MAN1C1: variants seen among roughly 807,000 people sequenced by gnomAD.
MAN1C1 encodes the protein mannosidase alpha class 1C member 1.
In MAN1C1, 49 loss-of-function variants were observed where a neutral mutation model predicts 71.5. The observed-to-expected ratio is 0.69, with a 90% confidence interval of 0.54 to 0.87. MAN1C1 has a LOEUF of 0.87. Among genes scored for constraint, MAN1C1 ranks in the 40% least tolerant of loss-of-function variants. The pLI, the probability that MAN1C1 is intolerant of heterozygous loss-of-function variation, is 0.00. For synonymous variants in MAN1C1, 352 were observed against 343.7 expected, an observed-to-expected ratio of 1.02 and a Z score of -0.27; for missense variants, 743 against 835.0, an observed-to-expected ratio of 0.89 and a Z score of 1.36.
chr1:25,742,874 C>G (rs922266895), intron 2 of MAN1C1, among the ~76,000 whole-genome samples: 5 of 152,206 alleles, frequency 3.3e-5, no homozygotes, highest in African/African-American at 1.2e-4. Flanking sequence ...AGGAAAGGAT[C>G]AAGAGGGTCT....
chr1:25,636,884 G>A (rs2045469331), intron 1 of MAN1C1, among the ~76,000 whole-genome samples: 1 of 152,190 alleles, frequency 6.6e-6, no homozygotes. Flanking sequence ...GCCAGGCATG[G>A]TGGCTCATGC....
chr1:25,726,922 T>C (rs990729139), intron 2 of MAN1C1, among the ~76,000 whole-genome samples: 1 of 144,466 alleles, frequency 6.9e-6, no homozygotes, highest in Non-Finnish European at 1.5e-5. Context: ...CCAACTGCGG[T>C]GGCATGTGTC....
At position 25,618,340 on chromosome 1, in the gene MAN1C1, A is replaced by G. The variant is rs755039361; in HGVS notation, c.540+3A>G. The G allele has an allele frequency of 1.3e-6, 2 of 1,595,060 alleles. No homozygotes were observed. Among genetic ancestry groups the G allele is most frequent in the South Asian group, 2.3e-5 (2 of 87,478 alleles). On this transcript the variant is annotated splice_donor_region_variant and intron_variant, in intron 1 of 11. Transcript: ENST00000374332. ...CCCAGCGGGAGAAAATCAAGGAGGT[A>G]TGGACTCAGCCCCCAAACTCCTCCC...
chr1:25,757,101 C>G (rs2047296753), intron 5 of MAN1C1, among the ~76,000 whole-genome samples: 1 of 152,180 alleles, frequency 6.6e-6, no homozygotes, highest in Non-Finnish European at 1.5e-5. Flanking sequence ...GAAACCACAT[C>G]CAGCCCCAAG....
At chr1:25,619,194 T>C (rs993378260) in intron 1 of MAN1C1, among the ~76,000 whole-genome samples, 1 of 152,184 alleles carries the variant, frequency 6.6e-6, no homozygotes, top group South Asian at 2.1e-4. Flanking sequence ...TAGAACTGCC[T>C]GCGTGCGGAT....
chr1:25,708,736 T>C (rs1403310819), intron 2 of MAN1C1, among the ~76,000 whole-genome samples: 2 of 152,022 alleles, frequency 1.3e-5, no homozygotes, highest in African/African-American at 4.8e-5. Flanking sequence ...AATACAAAAA[T>C]TAGTTGGGCA....
At chr1:25,677,945 G>A (rs2046093134) in intron 1 of MAN1C1, among the ~76,000 whole-genome samples, 1 of 145,704 alleles carries the variant, frequency 6.9e-6, no homozygotes, top group African/African-American at 2.6e-5. Context: ...CTTAAGGGTA[G>A]CACCATACGA....
At chr1:25,659,909 T>C (rs1048154165) in intron 1 of MAN1C1, among the ~76,000 whole-genome samples, 1 of 152,242 alleles carries the variant, frequency 6.6e-6, no homozygotes, top group African/African-American at 2.4e-5. Context: ...GTTGTATCTA[T>C]GTATAATGAT....
chr1:25,722,727 G>T (rs529909130), intron 2 of MAN1C1, among the ~76,000 whole-genome samples: 1 of 152,154 alleles, frequency 6.6e-6, no homozygotes, highest in African/African-American at 2.4e-5. Context: ...TCCATCTCTC[G>T]TGTTAGGTTT....
intron 2 of MAN1C1, among the ~76,000 whole-genome samples, chr1:25,738,720 TGTCA>T (rs1043056152): frequency 3.0e-4 from 46 of 152,356 alleles, no homozygotes; most frequent in African/African-American, 1.1e-3. Context: ...CAGATGGGAC[TGTCA>T]GTCAGAAAAC....
At chr1:25,749,220 TC>T in intron 3 of MAN1C1, 34 bp from the exon 4 acceptor site, 1 of 1,578,956 alleles carries the variant, frequency 6.3e-7, no homozygotes. Flanking sequence ...CTTACAAGTG[TC>T]CCCACTGTCC....
chr1:25,635,136 A>T lies in MAN1C1; in HGVS notation c.540+16799A>T, dbSNP rs2045437669. On this transcript the variant is annotated intron_variant, in intron 1 of 11. Coordinates refer to ENST00000374332, the MANE Select transcript of MAN1C1 (RefSeq NM_020379.4). ...TGTCTCAGCCTCCAGAGTAACGAGGACTACAGATGTGTGCTACCATATACC... is the reference window on the plus strand; with the variant it reads ...TGTCTCAGCCTCCAGAGTAACGAGGTCTACAGATGTGTGCTACCATATACC... Among the ~76,000 whole-genome samples the T allele has an allele frequency of 2.6e-5, 4 of 152,118 alleles. No homozygotes were observed. The South Asian group carries it at 8.3e-4, about 32-fold the overall frequency.
In MAN1C1 at chr1:25,782,633, G is replaced by GACAC. The variant is rs764279728; in HGVS notation, c.1701_1702insACAC (p.Val568ThrfsTer5). The GACAC allele has an allele frequency of 6.2e-7, 1 of 1,614,114 alleles. No homozygotes were observed. Among genetic ancestry groups the GACAC allele is most frequent in the Non-Finnish European group, 8.5e-7 (1 of 1,180,016 alleles). ...AGAAGCCGGTTTCTCTGGGATCCAAGACGTGTACAGTAGCACCCCCAACCA... is the reference window on the plus strand; with the variant it reads ...AGAAGCCGGTTTCTCTGGGATCCAAGACACACGTGTACAGTAGCACCCCCAACCA... On this transcript the variant is annotated frameshift_variant, in exon 11 of 12. Coordinates refer to ENST00000374332, the MANE Select transcript of MAN1C1 (RefSeq NM_020379.4). LOFTEE classifies it high-confidence loss of function. The surrounding 1 kb of genome is among the most constrained non-coding windows in gnomAD (Gnocchi z 4.4).
intron 1 of MAN1C1, among the ~76,000 whole-genome samples, chr1:25,643,421 ATTTTTTTTT>A (rs11326338): frequency 2.6e-5 from 3 of 115,456 alleles, no homozygotes; most frequent in African/African-American, 3.7e-5. Flanking sequence ...CGCCTGGCTA[ATTTTTTTTT>A]TTTTTTTTTT....
In MAN1C1 at chr1:25,753,680, G is replaced by A. The variant is rs1394801865; in HGVS notation, c.929+102G>A. 3.1e-5 allele frequency: 30 copies of A among 956,528 alleles called. No individual in the cohort carries two copies. The highest frequency in any genetic ancestry group is 4.4e-5 in the Non-Finnish European group (28 of 636,984). The allele number at this position is 956,528 out of a possible 1,614,324, so 59.3% of individuals were successfully genotyped here. A position where few individuals can be genotyped will look rare whatever the true frequency, so the allele number is the denominator to read the frequency against. On this transcript the variant is annotated intron_variant, in intron 5 of 11. Transcript: ENST00000374332. The surrounding 1 kb of genome is among the most constrained non-coding windows in gnomAD (Gnocchi z 4.9). ...GGTGAGGAGGCTCCAGGGGCAGTAGGCAGGCAAGCAGGAGGGGGGACCCTT... is the reference window on the plus strand; with the variant it reads ...GGTGAGGAGGCTCCAGGGGCAGTAGACAGGCAAGCAGGAGGGGGGACCCTT...
At chr1:25,761,559 A>G (rs1030049995) in intron 6 of MAN1C1, 1 of 149,160 alleles carries the variant, frequency 6.7e-6, no homozygotes, top group Non-Finnish European at 1.5e-5. Context: ...GAAATTTTAT[A>G]TCCTTTGATC....
chr1:25,620,006 T>C (rs1172140210), intron 1 of MAN1C1, among the ~76,000 whole-genome samples: 2 of 152,216 alleles, frequency 1.3e-5, no homozygotes, highest in Non-Finnish European at 2.9e-5. Context: ...ACTCTCTGTG[T>C]TTGCATTTAG....
chr1:25,698,650 G>C (rs966281465), intron 2 of MAN1C1, among the ~76,000 whole-genome samples: 3 of 152,106 alleles, frequency 2.0e-5, no homozygotes, highest in Non-Finnish European at 1.5e-5. Flanking sequence ...GGAGGGGTGA[G>C]CTTCAAAAAA....
At chr1:25,640,546 G>T (rs1557744236) in intron 1 of MAN1C1, among the ~76,000 whole-genome samples, 3 of 152,156 alleles carry the variant, frequency 2.0e-5, no homozygotes, top group Non-Finnish European at 4.4e-5. Flanking sequence ...ATAAGAAAAA[G>T]AAGACTTTAG....
Sources: gnomAD v4.1 joint callset for allele counts (sites outside exome capture counted in the v4.1 genomes callset) on GRCh38, gnomAD v4.1.1 for gene constraint, Gnocchi (gnomAD v3.1) non-coding constraint, MANE v1.5 for transcripts, NCBI Gene and HGNC (gene_info 2026-07-23, HGNC 2026-07-21) for gene names.